CNPY3: variants seen among roughly 807,000 people sequenced by gnomAD.
CNPY3 encodes protein canopy homolog 3.
CNPY3 carries 20 observed loss-of-function variants against 32.0 expected under a neutral mutation model. The observed-to-expected ratio is 0.63, with a 90% confidence interval of 0.44 to 0.91. CNPY3 has a LOEUF of 0.91. Among genes scored for constraint, CNPY3 ranks in the 40% least tolerant of loss-of-function variants. The pLI is 0.00. For missense variants in CNPY3, 299 were observed against 340.8 expected (o/e 0.88, Z 0.97); for synonymous variants, 138 against 142.9 (o/e 0.97, Z 0.24).
chr6:42,934,768 T>C lies in CNPY3; in HGVS notation c.275+170T>C, dbSNP rs114644586. On this transcript the variant is annotated intron_variant, in intron 2 of 5. Transcript: ENST00000372836. ...CAGCTAATTGGGTGACGTGCATAAA[T>C]CTCTTAACTTCTTTATGCTTCAGCA... Among the ~76,000 whole-genome samples the C allele has an allele frequency of 6.8e-3, 1,040 of 152,328 alleles. 12 individuals are homozygous for C. Among genetic ancestry groups the C allele is most frequent in the African/African-American group, 0.023 (965 of 41,558 alleles).
At chr6:42,938,541 T>A in intron 5 of CNPY3, 27 bp from the exon 6 acceptor site, 1 of 1,553,516 alleles carries the variant, frequency 6.4e-7, no homozygotes, top group East Asian at 2.4e-5. Context: ...GCACTTCTGT[T>A]GAGGGTCTCT....
At position 42,935,480 on chromosome 6, in the gene CNPY3, T is replaced by C. The variant is rs1768149275; in HGVS notation, c.276-94T>C. 5 of 1,474,794 alleles carry C rather than the reference T, an allele frequency of 3.4e-6. No homozygotes were observed. In the East Asian group the frequency reaches 1.2e-4, roughly 34 times the overall value. 91.4% of individuals were successfully genotyped at this position (1,474,794 alleles called of 1,614,324 possible). On this transcript the variant is annotated intron_variant, in intron 2 of 5. Coordinates refer to ENST00000372836, the MANE Select transcript of CNPY3 (RefSeq NM_006586.5). ...TCTGAGTCACTTCCCATTGGTGAGA[T>C]GTGCAGGTGTTGGGGCACAGGGCTG...
rs767663551 is a variant in CNPY3, at chr6:42,935,549, G to A, written c.276-25G>A. The stretch of plus-strand genomic sequence containing the variant: ...CCACTGCGGCTAGGAGGGGAACTCA[G>A]TTCCTCATCCTCCTGTCTTGGCAGG... On this transcript the variant is annotated intron_variant, in intron 2 of 5. Transcript: ENST00000372836. 5 of 1,599,374 alleles carry A rather than the reference G, an allele frequency of 3.1e-6. No homozygotes were observed. In the African/African-American group the frequency reaches 5.4e-5, roughly 17 times the overall value.
chr6:42,938,376 T>C (rs1581718939), intron 5 of CNPY3, among the ~76,000 whole-genome samples, 169 bp downstream of exon 5: 1 of 152,268 alleles, frequency 6.6e-6, no homozygotes, highest in Admixed American at 6.5e-5. Flanking sequence ...TGAAACCAGG[T>C]GCAGAATGAT....
chr6:42,931,377 C>CT (rs796540345), intron 1 of CNPY3, among the ~76,000 whole-genome samples: 23,293 of 140,974 alleles, frequency 0.17, 4,511 homozygotes, highest in African/African-American at 0.48. Context: ...CGTGCCTGGC[C>CT]TTTTTTTTTT....
chr6:42,935,177 T>C (rs1246408723), intron 2 of CNPY3, among the ~76,000 whole-genome samples: 1 of 152,178 alleles, frequency 6.6e-6, no homozygotes, highest in Admixed American at 6.6e-5. Flanking sequence ...CACAGTGCAA[T>C]TTTTTAAAAC....
At chr6:42,932,192 C>G (rs1767879488) in intron 1 of CNPY3, among the ~76,000 whole-genome samples, 1 of 152,198 alleles carries the variant, frequency 6.6e-6, no homozygotes, top group African/African-American at 2.4e-5. Flanking sequence ...CTAGTCTACC[C>G]TCATTTGGTA....
chr6:42,934,598 C>A lies in CNPY3; in HGVS notation c.275C>A (p.Ser92Ter). 1 of 1,613,710 alleles carries A rather than the reference C, an allele frequency of 6.2e-7. No homozygotes were observed. Among genetic ancestry groups the A allele is most frequent in the South Asian group, 1.1e-5 (1 of 91,026 alleles). The change falls in exon 2 of 6, where the codon TCG (serine) becomes TAG (stop). Residue 92 changes from serine (S) to a stop codon, truncating the protein, a stop_gained and splice_region_variant. Transcript: ENST00000372836. LOFTEE classifies it high-confidence loss of function. ...QKASGVKYTKSDLRLIEVTET... is the reference protein window; with the variant it reads ...QKASGVKYTK ...GCCTCTGGAGTCAAATACACCAAGT[C>A]GTAAGTGAATGGGGACTCACTGGCC...
At position 42,929,670 on chromosome 6, in the gene CNPY3, C is replaced by G. The variant is rs1487384939; in HGVS notation, c.100C>G (p.Gln34Glu). The change falls in exon 1 of 6, where the codon CAG becomes GAG. Residue 34 changes from glutamine to glutamate, a missense_variant. Coordinates refer to ENST00000372836, the MANE Select transcript of CNPY3 (RefSeq NM_006586.5). ...LLPAPELGPS[Q>E]AGAEENDWVR... ...GCCGGCCCCGGAGCTGGGCCCGAGC[C>G]AGGCCGGAGCTGAGGAGAACGACTG... 1.3e-6 allele frequency: 2 copies of G among 1,552,640 alleles called. No homozygotes were observed. The highest frequency in any genetic ancestry group is 1.7e-6 in the Non-Finnish European group (2 of 1,148,200).
At position 42,938,850 on chromosome 6, in the gene CNPY3, A is replaced by G; in HGVS notation, c.*59A>G. ...ATTTTGAAGCTGAGGAGTCAGGGGC[A>G]TGGCTCTGGCAGGCCGGGATGGCCC... On this transcript the variant is annotated 3_prime_UTR_variant, in exon 6 of 6. Transcript: ENST00000372836. The G allele has an allele frequency of 6.7e-7, 1 of 1,495,712 alleles. No homozygotes were observed. Among genetic ancestry groups the G allele is most frequent in the South Asian group, 1.4e-5 (1 of 73,696 alleles). 92.7% of individuals were successfully genotyped at this position (1,495,712 alleles called of 1,614,324 possible).
chr6:42,937,330 C>T (rs542221488), intron 3 of CNPY3, among the ~76,000 whole-genome samples: 8 of 152,136 alleles, frequency 5.3e-5, no homozygotes, highest in South Asian at 2.1e-4. Context: ...AGGCCAGGTG[C>T]GGTGGCTCAC....
chr6:42,932,211 A>C (rs1767880744), intron 1 of CNPY3, among the ~76,000 whole-genome samples: 1 of 152,210 alleles, frequency 6.6e-6, no homozygotes, highest in Non-Finnish European at 1.5e-5. Context: ...TAACTGATGA[A>C]GATTAATTGA....
intron 1 of CNPY3, among the ~76,000 whole-genome samples, chr6:42,931,313 A>G (rs1581701034): frequency 6.8e-6 from 1 of 146,740 alleles, no homozygotes; most frequent in African/African-American, 2.5e-5. Context: ...CGCAACCTCC[A>G]GTGACCCACC....
chr6:42,931,257 G>A lies in CNPY3; in HGVS notation c.151+1536G>A, dbSNP rs1408716091. 3.5e-5 allele frequency among the ~76,000 whole-genome samples: 5 copies of A among 142,494 alleles called. No individual in the cohort carries two copies. The East Asian group carries it at 6.1e-4, about 17-fold the overall frequency. The allele number at this position is 142,494 out of a possible 152,430, so 93.5% of individuals were successfully genotyped here. On this transcript the variant is annotated intron_variant, in intron 1 of 5. Coordinates refer to ENST00000372836, the MANE Select transcript of CNPY3 (RefSeq NM_006586.5). Reference sequence around the variant, plus strand: ...TTTTTTTTTTTTGAGATGGAGTTTCGCTCTTATTGCCCAGGCTGGAATGCA... The same window carrying A: ...TTTTTTTTTTTTGAGATGGAGTTTCACTCTTATTGCCCAGGCTGGAATGCA...
rs755688597 is a variant in CNPY3, at chr6:42,937,784, T to C, written c.440T>C (p.Ile147Thr). 1.5e-5 allele frequency: 24 copies of C among 1,613,898 alleles called. No homozygotes were observed. Among genetic ancestry groups the C allele is most frequent in the Non-Finnish European group, 2.0e-5 (24 of 1,179,908 alleles). Reference sequence around the variant, plus strand: ...AAAGGGGTCAAGGTGGTGATGGACATCCCCTATGAGCTGTGGAACGAGACT... The same window carrying C: ...AAAGGGGTCAAGGTGGTGATGGACACCCCCTATGAGCTGTGGAACGAGACT... The part of the protein sequence containing the change: ...VHKGVKVVMD[I>T]PYELWNETSA... Residue 147 changes from isoleucine to threonine, a missense_variant, in exon 4 of 6, where the codon ATC becomes ACC. Ile to Thr is a moderately conservative substitution (Grantham distance 89, BLOSUM62 -1). Transcript: ENST00000372836.
Position 42,929,483 on chromosome 6 carries a change from G to A in CNPY3, c.-88G>A. The stretch of plus-strand genomic sequence containing the variant: ...GTGGTTGCTCGGAGGCACGTGTGCA[G>A]TCCCGGAAGCGGCGAGGGGAAACTG... On this transcript the variant is annotated 5_prime_UTR_variant, in exon 1 of 6. Transcript: ENST00000372836. 5 of 1,392,164 alleles carry A rather than the reference G, an allele frequency of 3.6e-6. No homozygotes were observed. The highest frequency in any genetic ancestry group is 4.8e-6 in the Non-Finnish European group (5 of 1,042,146). 86.2% of individuals were successfully genotyped at this position (1,392,164 alleles called of 1,614,324 possible). A position where few individuals can be genotyped will look rare whatever the true frequency, so the allele number is the denominator to read the frequency against.
At chr6:42,935,721 T>C (rs1451493979) in intron 3 of CNPY3, 51 bp downstream of exon 3, 8 of 1,562,096 alleles carry the variant, frequency 5.1e-6, no homozygotes, top group Non-Finnish European at 7.0e-6. Context: ...CCTGCATGTA[T>C]CTTAGTGTGT....
At chr6:42,932,148 C>G (rs896202601) in intron 1 of CNPY3, among the ~76,000 whole-genome samples, 3 of 152,166 alleles carry the variant, frequency 2.0e-5, no homozygotes, top group Non-Finnish European at 2.9e-5. Context: ...TAGAGATGCC[C>G]AGGATCTCTA....
intron 3 of CNPY3, among the ~76,000 whole-genome samples, chr6:42,937,096 G>A (rs1183163888): frequency 6.6e-6 from 1 of 152,236 alleles, no homozygotes; most frequent in South Asian, 2.1e-4. Context: ...CAGGAAGAAC[G>A]GAACAGCAGG....
Sources: allele counts gnomAD v4.1 joint callset (sites outside exome capture counted in the v4.1 genomes callset), GRCh38; gene constraint gnomAD v4.1.1; transcripts MANE v1.5; gene names NCBI Gene and HGNC (gene_info 2026-07-23, HGNC 2026-07-21).